HDAC4: variants seen among roughly 807,000 people sequenced by gnomAD.
The protein encoded by HDAC4 is histone deacetylase A.
A neutral mutation model predicts 135.1 loss-of-function variants in HDAC4; 16 were observed. The ratio of observed to expected loss-of-function variants is 0.12; its 90% CI spans 0.08 to 0.18. The LOEUF (loss-of-function observed/expected upper bound fraction) is 0.18, where lower values mean the gene tolerates loss of function less well. HDAC4 is among the 10% of genes least tolerant of loss of function. The probability of loss-of-function intolerance (pLI) is 1.00; values close to 1 mark genes in which losing one functional copy is unlikely to be tolerated. For missense variants in HDAC4, 1,143 were observed against 1,511.8 expected, an observed-to-expected ratio of 0.76 and a Z score of 4.05; for synonymous variants, 685 against 653.4, an observed-to-expected ratio of 1.05 and a Z score of -0.74.
In HDAC4 at chr2:239,240,690, G is replaced by C. The variant is rs1285320509; in HGVS notation, c.23-4026C>G. Among the ~76,000 whole-genome samples the C allele has an allele frequency of 6.6e-6, 1 of 152,180 alleles. No individual in the cohort carries two copies. The highest frequency in any genetic ancestry group is 6.5e-5 in the Admixed American group (1 of 15,290). On this transcript the variant is annotated intron_variant, in intron 2 of 26. Transcript: ENST00000543185. The surrounding 1 kb of genome is among the most constrained non-coding windows in gnomAD (Gnocchi z 4.5). Reference sequence around the variant, plus strand: ...GGGCTGCAGACCAGATGCACACTGAGAGGGAGGCCGAGGAGCACGGGTACC... The same window carrying C: ...GGGCTGCAGACCAGATGCACACTGACAGGGAGGCCGAGGAGCACGGGTACC...
chr2:239,308,820 A>G lies in HDAC4; in HGVS notation c.22+43858T>C, dbSNP rs911587429. On this transcript the variant is annotated intron_variant, in intron 2 of 26. Transcript: ENST00000543185. This position sits in a 1 kb window ranked among gnomAD's most constrained non-coding sequence, Gnocchi z 4.2. ...CAGGAGGCTCACGTTCCGAGTCCTC[A>G]TTGCTCCCAGACCCAAGGGCAAGGC... Among the ~76,000 whole-genome samples the G allele has an allele frequency of 6.6e-6, 1 of 152,060 alleles. No homozygotes were observed. The highest frequency in any genetic ancestry group is 2.4e-5 in the African/African-American group (1 of 41,408).
At chr2:239,140,951 G>A in intron 8 of HDAC4, 1 of 452,626 alleles carries the variant, frequency 2.2e-6, no homozygotes, top group Non-Finnish European at 4.6e-6. Flanking sequence ...GATGAGGAGG[G>A]TGGGGGAACA....
At chr2:239,121,934 C>G (rs1282435523) in intron 12 of HDAC4, among the ~76,000 whole-genome samples, 2 of 152,198 alleles carry the variant, frequency 1.3e-5, no homozygotes, top group Admixed American at 1.3e-4. Context: ...GGGAGGTGAG[C>G]CGGACGCGGG....
In HDAC4 at chr2:239,374,386, C is replaced by CTTTTTTTTTTT. The variant is rs755538495; in HGVS notation, c.-219-21479_-219-21469dup. Among the ~76,000 whole-genome samples the CTTTTTTTTTTT allele has an allele frequency of 1.6e-4, 9 of 56,706 alleles. 1 individual carries two copies. The highest frequency in any genetic ancestry group is 2.3e-4 in the African/African-American group (3 of 12,802). The allele number at this position is 56,706 out of a possible 152,430, so 37.2% of individuals were successfully genotyped here. ...CACCCCAGATGAATAGAAAACAAGG[C>CTTTTTTTTTTT]TTTTTTTTTTTTTTTTTTTTTTTTT... On this transcript the variant is annotated intron_variant, in intron 1 of 26. Coordinates refer to ENST00000543185, the MANE Select transcript of HDAC4 (RefSeq NM_001378414.1).
chr2:239,126,801 GC>G, intron 11 of HDAC4, 107 bp from the exon 12 acceptor site: 1 of 1,248,546 alleles, frequency 8.0e-7, no homozygotes, highest in Non-Finnish European at 1.1e-6. Flanking sequence ...GTGCCCGCCA[GC>G]CCAGGCGTTC....
At chr2:239,314,753 C>T (rs984510673) in intron 2 of HDAC4, among the ~76,000 whole-genome samples, 4 of 152,130 alleles carry the variant, frequency 2.6e-5, no homozygotes, top group South Asian at 2.1e-4. Flanking sequence ...AAGCTGGAGA[C>T]GTTAGAGGAC....
chr2:239,135,691 G>A (rs2040903456), intron 9 of HDAC4, among the ~76,000 whole-genome samples: 2 of 152,190 alleles, frequency 1.3e-5, no homozygotes, highest in Non-Finnish European at 2.9e-5. Context: ...ATGGCCTGAT[G>A]CCCATGAAGC....
chr2:239,310,577 C>T (rs192716995), intron 2 of HDAC4, among the ~76,000 whole-genome samples: 1 of 152,242 alleles, frequency 6.6e-6, no homozygotes, highest in African/African-American at 2.4e-5. Context: ...GAACACAGCA[C>T]AGGCACAAGG....
At chr2:239,326,947 C>T (rs906486039) in intron 2 of HDAC4, among the ~76,000 whole-genome samples, 1 of 152,234 alleles carries the variant, frequency 6.6e-6, no homozygotes, top group Non-Finnish European at 1.5e-5. Context: ...AAGTGCACAA[C>T]AGGCCCAGGG....
At chr2:239,124,910 T>G (rs540518521) in intron 12 of HDAC4, among the ~76,000 whole-genome samples, 6 of 150,366 alleles carry the variant, frequency 4.0e-5, no homozygotes, top group African/African-American at 1.5e-4. Context: ...TATGTGACAT[T>G]CCGGTGTGCT....
intron 1 of HDAC4, among the ~76,000 whole-genome samples, chr2:239,365,498 G>C (rs939359478): frequency 2.6e-5 from 4 of 152,360 alleles, no homozygotes; most frequent in African/African-American, 7.2e-5. Flanking sequence ...ACGTTCGGAA[G>C]ATCAGATACC....
chr2:239,292,058 G>A (rs1308604251), intron 2 of HDAC4, among the ~76,000 whole-genome samples: 2 of 151,742 alleles, frequency 1.3e-5, no homozygotes, highest in South Asian at 2.1e-4. Flanking sequence ...AGCTCAGGGC[G>A]GCCACACCAG....
At chr2:239,302,929 C>A (rs2052353339) in intron 2 of HDAC4, among the ~76,000 whole-genome samples, 1 of 152,196 alleles carries the variant, frequency 6.6e-6, no homozygotes, top group African/African-American at 2.4e-5. Flanking sequence ...AAGCAGGGGG[C>A]CACACAGGCT....
chr2:239,148,211 C>G (rs965167017), intron 7 of HDAC4, among the ~76,000 whole-genome samples: 7 of 151,760 alleles, frequency 4.6e-5, no homozygotes, highest in African/African-American at 1.7e-4. Context: ...TAAAGTGACA[C>G]CAAAGGAAAT....
At chr2:239,387,168 C>G (rs1287790684) in intron 1 of HDAC4, among the ~76,000 whole-genome samples, 2 of 152,256 alleles carry the variant, frequency 1.3e-5, no homozygotes, top group East Asian at 1.9e-4. Context: ...ACTAGGGCTG[C>G]AGTCCTAGAA....
At chr2:239,393,465 T>C (rs1158345615) in intron 1 of HDAC4, among the ~76,000 whole-genome samples, 3 of 152,182 alleles carry the variant, frequency 2.0e-5, no homozygotes, top group Non-Finnish European at 4.4e-5. Context: ...AGCCTGCCAG[T>C]TGGCCCGGCT....
intron 11 of HDAC4, among the ~76,000 whole-genome samples, chr2:239,131,105 A>G (rs1450408456): frequency 6.6e-6 from 1 of 152,246 alleles, no homozygotes; most frequent in African/African-American, 2.4e-5. Flanking sequence ...CTGGAGCAGC[A>G]CATGAACAGG....
intron 2 of HDAC4, among the ~76,000 whole-genome samples, chr2:239,342,725 G>A (rs1284075056): frequency 2.0e-5 from 3 of 152,186 alleles, no homozygotes; most frequent in African/African-American, 7.2e-5. Flanking sequence ...GGCAGAGATG[G>A]AGGAGAGTAC....
intron 2 of HDAC4, among the ~76,000 whole-genome samples, chr2:239,261,946 C>T (rs754993829): frequency 1.2e-4 from 18 of 152,190 alleles, no homozygotes; most frequent in African/African-American, 2.7e-4. Context: ...GGTTGCCTGG[C>T]GCCATGAAAG....
Sources: gnomAD v4.1 joint callset for allele counts (sites outside exome capture counted in the v4.1 genomes callset) on GRCh38, gnomAD v4.1.1 for gene constraint, Gnocchi (gnomAD v3.1) non-coding constraint, MANE v1.5 for transcripts, NCBI Gene and HGNC (gene_info 2026-07-23, HGNC 2026-07-21) for gene names.